DNM3: variants seen among roughly 807,000 people sequenced by gnomAD.
The protein encoded by DNM3 is dynamin 3, also known as dynamin-3.
Under a neutral mutation model 101.6 loss-of-function variants are expected in DNM3, and 47 were observed. The observed-to-expected ratio is 0.46, with a 90% CI of 0.37 to 0.59. The LOEUF is 0.59. Among genes scored for constraint, DNM3 ranks in the 20% least tolerant of loss-of-function variants. DNM3 has a pLI of 0.00. For synonymous variants in DNM3, 385 were observed against 387.9 expected (o/e 0.99, Z 0.09); for missense variants, 849 against 1,085.7 (o/e 0.78, Z 3.06).
At chr1:172,037,448 C>CT (rs1177791787) in intron 6 of DNM3, among the ~76,000 whole-genome samples, 2 of 152,134 alleles carry the variant, frequency 1.3e-5, no homozygotes, top group Admixed American at 1.3e-4. Flanking sequence ...AATATTTTTT[C>CT]TTTTTTCTGC....
At chr1:171,858,150 G>A (rs115692196) in intron 1 of DNM3, among the ~76,000 whole-genome samples, 1 of 152,272 alleles carries the variant, frequency 6.6e-6, no homozygotes, top group Non-Finnish European at 1.5e-5. Flanking sequence ...CTTGTATTGA[G>A]TTTTTGCTAA....
At chr1:172,336,508 A>C (rs59469921) in intron 17 of DNM3, among the ~76,000 whole-genome samples, 20,571 of 148,816 alleles carry the variant, frequency 0.14, 1,782 homozygotes, top group African/African-American at 0.24. Flanking sequence ...TATATATATA[A>C]ATTTTATAAT....
intron 20 of DNM3, chr1:172,389,053 G>A (rs750781961): frequency 5.1e-5 from 27 of 530,174 alleles, no homozygotes; most frequent in Admixed American, 1.3e-4. Context: ...AGAACACTCC[G>A]TCCCAATGAA....
intron 7 of DNM3, among the ~76,000 whole-genome samples, chr1:172,039,415 T>C (rs1261955652): frequency 6.6e-6 from 1 of 152,118 alleles, no homozygotes; most frequent in Non-Finnish European, 1.5e-5. Flanking sequence ...TATTAATTGC[T>C]TCATCCTATA....
chr1:171,926,076 C>T (rs561976565), intron 2 of DNM3, among the ~76,000 whole-genome samples: 2 of 152,240 alleles, frequency 1.3e-5, no homozygotes, highest in Non-Finnish European at 2.9e-5. Flanking sequence ...TATTTTCATA[C>T]AAGTACCATG....
intron 15 of DNM3, among the ~76,000 whole-genome samples, chr1:172,276,211 G>A (rs1014808850): frequency 6.6e-6 from 1 of 151,900 alleles, no homozygotes; most frequent in Non-Finnish European, 1.5e-5. Context: ...ATTAGTGTGG[G>A]ACAGCACTTG....
intron 13 of DNM3, among the ~76,000 whole-genome samples, chr1:172,118,881 A>G (rs16843860): frequency 0.26 from 40,260 of 152,036 alleles, 5,742 homozygotes; most frequent in African/African-American, 0.31. Context: ...CCCTCTGTCC[A>G]GAGATTAAAG....
rs912886250 is a variant in DNM3, at chr1:172,132,999, C to T, written c.1659+1711C>T. On this transcript the variant is annotated intron_variant, in intron 14 of 20. Coordinates refer to ENST00000627582, the MANE Select transcript of DNM3 (RefSeq NM_015569.5). ...GAGCTCCAGAGCCTATGCTTTCAAC[C>T]ACAAATAAAGGCAAGAATCCCAGAG... 9.8e-6 allele frequency: 15 copies of T among 1,526,920 alleles called. No individual in the cohort carries two copies. The Middle Eastern group carries it at 8.6e-4, about 87-fold the overall frequency. 94.6% of individuals were successfully genotyped at this position (1,526,920 alleles called of 1,614,324 possible). A position where few individuals can be genotyped will look rare whatever the true frequency, so the allele number is the denominator to read the frequency against.
intron 17 of DNM3, among the ~76,000 whole-genome samples, chr1:172,353,813 C>CTGTA (rs2067302530): frequency 6.6e-6 from 1 of 152,120 alleles, no homozygotes. Context: ...AACTTGAAAA[C>CTGTA]TGTATGCCTC....
At chr1:171,913,543 G>A (rs1191835284) in intron 1 of DNM3, among the ~76,000 whole-genome samples, 1 of 152,108 alleles carries the variant, frequency 6.6e-6, no homozygotes, top group Non-Finnish European at 1.5e-5. Context: ...GTAATGGTTG[G>A]CAAAGTTCCC....
At chr1:172,130,431 A>C (rs1043604096) in intron 13 of DNM3, among the ~76,000 whole-genome samples, 5 of 151,708 alleles carry the variant, frequency 3.3e-5, no homozygotes, top group African/African-American at 1.2e-4. Context: ...CTTATCTATA[A>C]ATAATTTCTG....
chr1:172,065,306 C>A (rs1017017547), intron 10 of DNM3, among the ~76,000 whole-genome samples: 1 of 152,114 alleles, frequency 6.6e-6, no homozygotes, highest in African/African-American at 2.4e-5. Flanking sequence ...CAAATGCTTG[C>A]GTAGTTACTT....
intron 17 of DNM3, among the ~76,000 whole-genome samples, chr1:172,361,085 T>C (rs571924464): frequency 6.6e-6 from 1 of 152,132 alleles, no homozygotes; most frequent in South Asian, 2.1e-4. Context: ...TGAGACTTAT[T>C]GGGGTGGCTG....
intron 17 of DNM3, among the ~76,000 whole-genome samples, chr1:172,377,226 C>T (rs929749967): frequency 1.3e-5 from 2 of 151,492 alleles, no homozygotes; most frequent in African/African-American, 4.8e-5. Flanking sequence ...GTTCTCAGAG[C>T]TTGAATATAT....
chr1:172,328,342 T>C (rs946696644), intron 17 of DNM3, among the ~76,000 whole-genome samples: 6 of 152,274 alleles, frequency 3.9e-5, no homozygotes, highest in Admixed American at 3.9e-4. Flanking sequence ...TGGAACTGGT[T>C]TAACACTGCT....
intron 15 of DNM3, among the ~76,000 whole-genome samples, chr1:172,264,413 A>G (rs888323145): frequency 2.6e-5 from 4 of 152,190 alleles, no homozygotes; most frequent in African/African-American, 9.6e-5. Flanking sequence ...CTATTCTTAA[A>G]TTACATTCTT....
chr1:172,045,495 CCCTCATGATGTAATTACCT>C (rs1211023797), intron 9 of DNM3, among the ~76,000 whole-genome samples: 1 of 152,018 alleles, frequency 6.6e-6, no homozygotes, highest in African/African-American at 2.4e-5. Flanking sequence ...GAGGGTTCTG[CCCTCATGATGTAATTACCT>C]CCCAAAGGCC....
rs75329151 is a variant in DNM3 at position 172,164,612 on chromosome 1, C to T, written c.1659+33324C>T. Among the ~76,000 whole-genome samples the T allele has an allele frequency of 1.6e-3, 237 of 151,976 alleles. 7 individuals are homozygous for T. In the East Asian group the frequency reaches 0.042, roughly 27 times the overall value. ...CCCAATGTTCATACCCAAGTTTTTGCGTCTTATCATATTCTAACCACACAT... is the reference window on the plus strand; with the variant it reads ...CCCAATGTTCATACCCAAGTTTTTGTGTCTTATCATATTCTAACCACACAT... On this transcript the variant is annotated intron_variant, in intron 14 of 20. Coordinates refer to ENST00000627582, the MANE Select transcript of DNM3 (RefSeq NM_015569.5).
intron 14 of DNM3, among the ~76,000 whole-genome samples, chr1:172,237,503 G>T (rs921200176): frequency 6.6e-6 from 1 of 152,082 alleles, no homozygotes; most frequent in African/African-American, 2.4e-5. Context: ...AAGGCCATTT[G>T]TTTGTACCTA....
Sources: allele counts gnomAD v4.1 joint callset (sites outside exome capture counted in the v4.1 genomes callset), GRCh38; gene constraint gnomAD v4.1.1; transcripts MANE v1.5; gene names NCBI Gene and HGNC (gene_info 2026-07-23, HGNC 2026-07-21).